Variants in NBAS observed in about 807,000 individuals in gnomAD.
The protein encoded by NBAS is NBAS subunit of NRZ tethering complex, also known as NAG/BC035112 fusion.
A neutral mutation model predicts 302.5 loss-of-function variants in NBAS; 219 were observed. The ratio of observed to expected loss-of-function variants is 0.72; its 90% confidence interval spans 0.65 to 0.81. NBAS has a LOEUF of 0.81. Ranked by LOEUF, NBAS falls within the 30% of genes least tolerant of loss-of-function variation. NBAS has a pLI of 0.00. For missense variants in NBAS, 2,932 were observed against 2,841.6 expected, an observed-to-expected ratio of 1.03 and a Z score of -0.72; for synonymous variants, 1,118 against 1,021.6, an observed-to-expected ratio of 1.09 and a Z score of -1.80.
chr2:15,027,087 TC>T, the NBAS span, among the ~76,000 whole-genome samples: 1 of 152,280 alleles, frequency 6.6e-6, no homozygotes, highest in South Asian at 2.1e-4. Context: ...AGGCTTTCTT[TC>T]TTTCATATAA....
At chr2:15,418,999 G>A (rs1220083895) in intron 23 of NBAS, among the ~76,000 whole-genome samples, 1 of 152,202 alleles carries the variant, frequency 6.6e-6, no homozygotes, top group African/African-American at 2.4e-5. Flanking sequence ...ATGGACTGGA[G>A]TGAAAATAGG....
At chr2:15,246,580 A>G (rs996209127) in intron 44 of NBAS, among the ~76,000 whole-genome samples, 1 of 152,252 alleles carries the variant, frequency 6.6e-6, no homozygotes. Flanking sequence ...GTTACTCTGC[A>G]GTAAGTAATT....
chr2:14,938,423 G>C, the NBAS span, among the ~76,000 whole-genome samples: 2 of 152,190 alleles, frequency 1.3e-5, no homozygotes, highest in African/African-American at 4.8e-5. Context: ...AAAATTAAAT[G>C]ATGTCAAAAC....
chr2:14,925,728 G>A, the NBAS span, among the ~76,000 whole-genome samples: 2 of 152,130 alleles, frequency 1.3e-5, no homozygotes, highest in Non-Finnish European at 2.9e-5. Flanking sequence ...TTCTTGCTAC[G>A]ATTATCACAT....
chr2:15,246,101 T>C (rs556702463), intron 44 of NBAS, among the ~76,000 whole-genome samples: 9 of 152,338 alleles, frequency 5.9e-5, no homozygotes, highest in Non-Finnish European at 1.0e-4. Flanking sequence ...CACTTGTATA[T>C]TGAAGATAAT....
chr2:15,043,097 T>C, the NBAS span, among the ~76,000 whole-genome samples: 3 of 152,298 alleles, frequency 2.0e-5, no homozygotes, highest in African/African-American at 7.2e-5. Flanking sequence ...CAAATCCTAC[T>C]TAACGGCACT....
chr2:15,285,592 G>A (rs1025748386), intron 42 of NBAS, among the ~76,000 whole-genome samples: 6 of 152,160 alleles, frequency 3.9e-5, no homozygotes, highest in African/African-American at 9.7e-5. Flanking sequence ...AGATCCAACT[G>A]CAGACTTGGC....
the NBAS span, among the ~76,000 whole-genome samples, chr2:15,105,406 A>T: frequency 6.6e-6 from 1 of 152,000 alleles, no homozygotes; most frequent in Non-Finnish European, 1.5e-5. Context: ...TTAAAGTATA[A>T]TTTTTTAAAA....
chr2:15,375,644 T>TAA (rs1674699514), intron 30 of NBAS, among the ~76,000 whole-genome samples: 3 of 152,196 alleles, frequency 2.0e-5, no homozygotes, highest in Admixed American at 6.5e-5. Flanking sequence ...AATGTACTTT[T>TAA]TTACATTTTT....
the NBAS span, among the ~76,000 whole-genome samples, chr2:14,907,216 C>A: frequency 6.6e-6 from 1 of 152,160 alleles, no homozygotes; most frequent in Non-Finnish European, 1.5e-5. Context: ...CAATTGCAGT[C>A]CCCAGCTGTC....
At chr2:15,149,998 C>T in the NBAS span, among the ~76,000 whole-genome samples, 2 of 150,172 alleles carry the variant, frequency 1.3e-5, no homozygotes, top group African/African-American at 4.9e-5. Context: ...TTGCTTGATC[C>T]CAGGAAGTTG....
At chr2:14,904,108 C>G in the NBAS span, among the ~76,000 whole-genome samples, 20 of 152,332 alleles carry the variant, frequency 1.3e-4, 1 homozygote, top group South Asian at 3.9e-3. Flanking sequence ...ATCTAGACCA[C>G]CAGCTCTAAG....
Position 15,352,019 on chromosome 2 carries a change from T to C in NBAS, c.4152A>G (p.Ser1384=). 1 of 1,612,248 alleles carries C rather than the reference T, an allele frequency of 6.2e-7. No homozygotes were observed. The highest frequency in any genetic ancestry group is 8.5e-7 in the Non-Finnish European group (1 of 1,178,426). Residue 1384 remains serine (S), a synonymous_variant, in exon 35 of 52, where the codon TCA becomes TCG. Coordinates refer to ENST00000281513, the MANE Select transcript of NBAS (RefSeq NM_015909.4). Reference sequence around the variant, plus strand: ...CTTGTACTGCTTTACTAGTTAATGGTGAAGCACTGATATTTTCCCCTCCTT... The same window carrying C: ...CTTGTACTGCTTTACTAGTTAATGGCGAAGCACTGATATTTTCCCCTCCTT... ...HHEGGENISA[S]PLTSKAVQED...
chr2:14,944,051 G>A, the NBAS span, among the ~76,000 whole-genome samples: 4 of 152,190 alleles, frequency 2.6e-5, no homozygotes, highest in African/African-American at 9.7e-5. Context: ...TGTAATCCCA[G>A]CACTTTGGGA....
rs143962413 is a variant in NBAS, at chr2:15,203,890, T to TTGTGTGTGTGTGTGTG, written c.6433-13503_6433-13488dup. On this transcript the variant is annotated intron_variant, in intron 48 of 51. Coordinates refer to ENST00000281513, the MANE Select transcript of NBAS (RefSeq NM_015909.4). ...TGTGTCTGTGTGTGTGTGTGTGTGC[T>TTGTGTGTGTGTGTGTG]TGTGTGTGTGTGTGTGTGTGTGTGT... is the stretch of plus-strand genomic sequence containing the variant. Among the ~76,000 whole-genome samples the TTGTGTGTGTGTGTGTG allele has an allele frequency of 1.2e-4, 16 of 129,536 alleles. 1 individual carries two copies. The highest frequency in any genetic ancestry group is 5.2e-4 in the South Asian group (2 of 3,846). 85.0% of individuals were successfully genotyped at this position (129,536 alleles called of 152,430 possible).
At chr2:15,002,187 T>C in the NBAS span, among the ~76,000 whole-genome samples, 7 of 151,922 alleles carry the variant, frequency 4.6e-5, no homozygotes, top group Non-Finnish European at 8.8e-5. Context: ...AACCCTGAGA[T>C]AGACACAGGC....
chr2:14,790,581 G>A, the NBAS span, among the ~76,000 whole-genome samples: 1 of 151,690 alleles, frequency 6.6e-6, no homozygotes, highest in African/African-American at 2.4e-5. Flanking sequence ...CAACAGAATA[G>A]GATGCTGTAT....
chr2:15,037,345 C>A, the NBAS span, among the ~76,000 whole-genome samples: 121,475 of 151,586 alleles, frequency 0.8, 49,194 homozygotes, highest in East Asian at 1. Flanking sequence ...CACATCCTCA[C>A]CCTGTCCCCA....
chr2:15,213,180 TA>T (rs1455878615), intron 48 of NBAS, among the ~76,000 whole-genome samples: 16 of 152,326 alleles, frequency 1.1e-4, no homozygotes, highest in Non-Finnish European at 2.9e-5. Context: ...GACTGGTGGC[TA>T]AAAAGTCCAA....
Sources: allele counts gnomAD v4.1 joint callset (sites outside exome capture counted in the v4.1 genomes callset), GRCh38; gene constraint gnomAD v4.1.1; transcripts MANE v1.5; gene names NCBI Gene and HGNC (gene_info 2026-07-23, HGNC 2026-07-21).